WDFY4: variants seen among roughly 807,000 people sequenced by gnomAD.
WDFY4 encodes WDFY family member 4.
Under a neutral mutation model 351.9 loss-of-function variants are expected in WDFY4, and 169 were observed. The observed-to-expected ratio is 0.48, with a 90% CI of 0.42 to 0.55. The LOEUF is 0.55. Among genes scored for constraint, WDFY4 ranks in the 20% least tolerant of loss-of-function variants. The pLI is 0.00. For missense variants in WDFY4, 3,803 were observed against 3,935.6 expected (o/e 0.97, Z 0.90); for synonymous variants, 1,622 against 1,574.6 (o/e 1.03, Z -0.71).
chr10:48,852,728 C>T (rs1007158156), intron 39 of WDFY4, among the ~76,000 whole-genome samples: 1 of 152,216 alleles, frequency 6.6e-6, no homozygotes, highest in African/African-American at 2.4e-5. Flanking sequence ...CCTACAAGCT[C>T]CTGGCCTGAA....
intron 13 of WDFY4, among the ~76,000 whole-genome samples, chr10:48,760,931 CAG>C (rs2065483263): frequency 6.6e-6 from 1 of 152,116 alleles, no homozygotes; most frequent in Admixed American, 6.6e-5. Flanking sequence ...AGTGACAGTG[CAG>C]ACAGACTAAA....
At chr10:48,913,624 G>T (rs772157336) in intron 47 of WDFY4, 1 of 1,613,924 alleles carries the variant, frequency 6.2e-7, no homozygotes, top group Non-Finnish European at 8.5e-7. Context: ...TTTGGAAAGG[G>T]GTTCCGCTTT....
intron 11 of WDFY4, among the ~76,000 whole-genome samples, chr10:48,741,485 G>T: frequency 7.1e-6 from 1 of 140,768 alleles, no homozygotes; most frequent in Non-Finnish European, 1.5e-5. Context: ...AAAAAATGGA[G>T]CTCCCAAAGT....
intron 51 of WDFY4, among the ~76,000 whole-genome samples, chr10:48,952,323 G>T (rs1841367134): frequency 6.6e-6 from 1 of 152,214 alleles, no homozygotes; most frequent in Non-Finnish European, 1.5e-5. Context: ...TGCAGCCAGG[G>T]CTGTGGGGCT....
rs1176222843 is a variant in WDFY4, at chr10:48,877,206, T to C, written c.7167+7T>C. Reference sequence around the variant, plus strand: ...GCTTCTTGATAAAGAAAAGGTAATATACCCCATTGCAATAGCCTTTAAGAT... The same window carrying C: ...GCTTCTTGATAAAGAAAAGGTAATACACCCCATTGCAATAGCCTTTAAGAT... On this transcript the variant is annotated splice_region_variant and intron_variant, in intron 43 of 61. Coordinates refer to ENST00000325239, the MANE Select transcript of WDFY4 (RefSeq NM_001394531.1). 3 of 1,551,112 alleles carry C rather than the reference T, an allele frequency of 1.9e-6. No homozygotes were observed. Among genetic ancestry groups the C allele is most frequent in the East Asian group, 2.4e-5 (1 of 40,900 alleles).
chr10:48,731,343 C>A lies in WDFY4; in HGVS notation c.1363C>A (p.Leu455Met), dbSNP rs1442049080. The part of the protein sequence containing the change: ...QEHFFQLLEA[L>M]VFELHYVPHE... ...ACACTTCTTCCAGCTTCTAGAGGCC[C>A]TGGTGTTCGAGCTGCACTACGTGCC... is the stretch of plus-strand genomic sequence containing the variant. Residue 455 changes from leucine to methionine, a missense_variant, in exon 9 of 62, where the codon CTG becomes ATG. Leu to Met is a conservative substitution (Grantham distance 15). Transcript: ENST00000325239. 6.4e-7 allele frequency: 1 copy of A among 1,551,794 alleles called. No homozygotes were observed. The highest frequency in any genetic ancestry group is 8.7e-7 in the Non-Finnish European group (1 of 1,147,000).
chr10:48,705,814 T>A (rs2063612306), intron 1 of WDFY4, among the ~76,000 whole-genome samples: 1 of 152,206 alleles, frequency 6.6e-6, no homozygotes, highest in African/African-American at 2.4e-5. Flanking sequence ...TCCAGCTAAG[T>A]CCCCACCCAT....
intron 4 of WDFY4, among the ~76,000 whole-genome samples, chr10:48,723,035 T>C (rs1359985885): frequency 6.6e-6 from 1 of 152,162 alleles, no homozygotes; most frequent in Non-Finnish European, 1.5e-5. Context: ...ACCTCTGGAC[T>C]GCTTTCCCTT....
At chr10:48,903,619 G>A (rs1426903977) in intron 47 of WDFY4, among the ~76,000 whole-genome samples, 2 of 152,196 alleles carry the variant, frequency 1.3e-5, no homozygotes, top group Non-Finnish European at 2.9e-5. Flanking sequence ...AGAGGATTTA[G>A]GCTTCAGCAA....
rs12241547 is a variant in WDFY4, at chr10:48,883,715, G to C, written c.7167+6516G>C. 8.5e-3 allele frequency among the ~76,000 whole-genome samples: 1,288 copies of C among 152,260 alleles called. 20 individuals are homozygous for C. The highest frequency in any genetic ancestry group is 0.029 in the African/African-American group (1,225 of 41,540). On this transcript the variant is annotated intron_variant, in intron 43 of 61. Coordinates refer to ENST00000325239, the MANE Select transcript of WDFY4 (RefSeq NM_001394531.1). ...GGGCATGACTGCTTTTCAGGCATCT[G>C]GGTGGCATGCCTCTGGCAGAAGCCT... is the stretch of plus-strand genomic sequence containing the variant.
intron 39 of WDFY4, among the ~76,000 whole-genome samples, chr10:48,861,129 A>G (rs1400870054): frequency 6.6e-6 from 1 of 152,150 alleles, no homozygotes; most frequent in Non-Finnish European, 1.5e-5. Flanking sequence ...TTTATAATGT[A>G]ATAGTTTTAA....
intron 57 of WDFY4, among the ~76,000 whole-genome samples, chr10:48,974,527 A>AAAAAAAAAAAACAAAACAAC: frequency 3.0e-4 from 7 of 23,144 alleles, no homozygotes; most frequent in African/African-American, 4.4e-4. Flanking sequence ...AAAAAAAAAA[A>AAAAAAAAAAAACAAAACAAC]AACAACTCAT....
chr10:48,696,873 G>A (rs1398480717), intron 1 of WDFY4, among the ~76,000 whole-genome samples: 2 of 152,264 alleles, frequency 1.3e-5, no homozygotes, highest in South Asian at 2.1e-4. Context: ...TTTCTGCAAT[G>A]TTGCAAGGAC....
At chr10:48,695,876 G>A (rs77876381) in intron 1 of WDFY4, among the ~76,000 whole-genome samples, 7,937 of 152,206 alleles carry the variant, frequency 0.052, 223 homozygotes, top group Middle Eastern at 0.095. Flanking sequence ...TACAGAACCA[G>A]CCCCTTCCAC....
chr10:48,811,400 T>C, intron 29 of WDFY4, 139 bp from the exon 30 acceptor site: 1 of 715,114 alleles, frequency 1.4e-6, no homozygotes, highest in Non-Finnish European at 2.3e-6. Flanking sequence ...TTTGCTCCCA[T>C]CTATGTGTGA....
chr10:48,697,896 T>A (rs921773213), intron 1 of WDFY4, among the ~76,000 whole-genome samples: 1 of 152,200 alleles, frequency 6.6e-6, no homozygotes, highest in Non-Finnish European at 1.5e-5. Flanking sequence ...CATGTCACCT[T>A]GGCCTGTTTG....
In WDFY4 at chr10:48,914,086, T is replaced by C. The variant is rs1218661959; in HGVS notation, c.7586+12223T>C. On this transcript the variant is annotated intron_variant, in intron 47 of 61. Coordinates refer to ENST00000325239, the MANE Select transcript of WDFY4 (RefSeq NM_001394531.1). ...AGGCGCTTTTTCCCATCAAAAGTGA[T>C]TTTGATGCAATTCCTGGCCACCTTG... 2.7e-5 allele frequency: 43 copies of C among 1,614,090 alleles called. No homozygotes were observed. The highest frequency in any genetic ancestry group is 3.4e-5 in the Non-Finnish European group (40 of 1,180,036).
rs117656854 is a variant in WDFY4, at chr10:48,880,785, G to A, written c.7167+3586G>A. Among the ~76,000 whole-genome samples the A allele has an allele frequency of 1.0e-3, 154 of 152,332 alleles. No individual in the cohort carries two copies. In the East Asian group the frequency reaches 0.028, roughly 28 times the overall value. On this transcript the variant is annotated intron_variant, in intron 43 of 61. Transcript: ENST00000325239. ...ATGCTTGCTGCCTCTGGCTTCATGG[G>A]GAATTGTGGGAAAGGCTGGCTCCCA...
chr10:48,832,617 C>A lies in WDFY4; in HGVS notation c.6571C>A (p.His2191Asn). The change falls in exon 39 of 62, where the codon CAC (histidine) becomes AAC (asparagine). Residue 2191 changes from histidine to asparagine, a missense_variant. Physicochemically the swap from His to Asn is moderately conservative, Grantham distance 68. Coordinates refer to ENST00000325239, the MANE Select transcript of WDFY4 (RefSeq NM_001394531.1). ...GGCAAGTCGTTCAAATGTTGCACAC[C>A]ACAGCAAAGTCACTTTGTGGAGTGG... ...SLASRSNVAH[H>N]SKVTLWSGSL... 1 of 1,550,840 alleles carries A rather than the reference C, an allele frequency of 6.4e-7. No individual in the cohort carries two copies.
Sources: gnomAD v4.1 joint callset for allele counts (sites outside exome capture counted in the v4.1 genomes callset) on GRCh38, gnomAD v4.1.1 for gene constraint, MANE v1.5 for transcripts, NCBI Gene and HGNC (gene_info 2026-07-23, HGNC 2026-07-21) for gene names.